The following FAM3B variants were observed in gnomAD, a reference collection of about 807,000 sequenced individuals.
FAM3B encodes protein FAM3B.
FAM3B carries 29 observed loss-of-function variants against 28.4 expected under a neutral mutation model. The ratio of observed to expected loss-of-function variants is 1.02; its 90% CI spans 0.76 to 1.39. FAM3B has a LOEUF of 1.39. Among genes scored for constraint, FAM3B ranks in the 40% most tolerant of loss-of-function variants. The pLI, the probability that FAM3B is intolerant of heterozygous loss-of-function variation, is 0.00. For synonymous variants in FAM3B, 91 were observed against 103.0 expected (o/e 0.88, Z 0.71); for missense variants, 266 against 293.9 (o/e 0.91, Z 0.69).
At position 41,321,344 on chromosome 21, in the gene FAM3B, C is replaced by T. The variant is rs1403210820; in HGVS notation, c.20-1579C>T. On this transcript the variant is annotated intron_variant, in intron 1 of 7. Coordinates refer to ENST00000357985, the MANE Select transcript of FAM3B (RefSeq NM_058186.4). The stretch of plus-strand genomic sequence containing the variant: ...GCTGGGCTGTGTAGGGGAGAGCACC[C>T]TCTAGGCAGAGATCACTCCTGCAGA... Among the ~76,000 whole-genome samples the T allele has an allele frequency of 2.0e-5, 3 of 152,208 alleles. No homozygotes were observed. The East Asian group carries it at 5.8e-4, about 29-fold the overall frequency.
At chr21:41,341,279 C>CT (rs1220575960) in intron 3 of FAM3B, among the ~76,000 whole-genome samples, 3 of 152,190 alleles carry the variant, frequency 2.0e-5, no homozygotes, top group Non-Finnish European at 4.4e-5. Flanking sequence ...TGTTTGATAT[C>CT]TTTTGGTATT....
intron 3 of FAM3B, among the ~76,000 whole-genome samples, chr21:41,342,069 C>T (rs1329974858): frequency 1.3e-5 from 2 of 152,176 alleles, no homozygotes; most frequent in Non-Finnish European, 2.9e-5. Flanking sequence ...TTCCAGTTTA[C>T]GTTTCTCTGA....
chr21:41,308,252 C>T (rs1447700956), intron 1 of FAM3B, among the ~76,000 whole-genome samples: 5 of 152,206 alleles, frequency 3.3e-5, no homozygotes, highest in Non-Finnish European at 7.3e-5. Flanking sequence ...TCTCCATTTT[C>T]TCACTTAATC....
intron 6 of FAM3B, among the ~76,000 whole-genome samples, chr21:41,348,124 C>A (rs1347988413): frequency 6.6e-6 from 1 of 152,204 alleles, no homozygotes; most frequent in Non-Finnish European, 1.5e-5. Flanking sequence ...TTAATGTTTG[C>A]AGTGGCAGTA....
chr21:41,346,023 A>T (rs561174464), intron 5 of FAM3B: 3,314 of 100,634 alleles, frequency 0.033, 14 homozygotes, highest in South Asian at 0.13. Context: ...CCTTTTTTTT[A>T]AAAAAAAAAA....
chr21:41,330,108 C>T (rs903473969), intron 2 of FAM3B, among the ~76,000 whole-genome samples: 1 of 147,072 alleles, frequency 6.8e-6, no homozygotes, highest in African/African-American at 2.5e-5. Context: ...TGTAAACTAA[C>T]CTTTATCATA....
Position 41,330,334 on chromosome 21 carries a change from C to T in FAM3B, c.163+7268C>T, listed in dbSNP as rs147489236. On this transcript the variant is annotated intron_variant, in intron 2 of 7. Transcript: ENST00000357985. ...ATAATGCAAACATTCCAAGATCCAA[C>T]AAAAATTTGTAACACTGCTGGTCCC... Among the ~76,000 whole-genome samples the T allele has an allele frequency of 1.8e-3, 274 of 152,274 alleles. 1 individual carries two copies. The highest frequency in any genetic ancestry group is 6.1e-3 in the African/African-American group (252 of 41,550).
intron 2 of FAM3B, among the ~76,000 whole-genome samples, chr21:41,331,223 G>A (rs1416926707): frequency 6.6e-6 from 1 of 152,048 alleles, no homozygotes; most frequent in Non-Finnish European, 1.5e-5. Flanking sequence ...TTAGTTATTT[G>A]TATGTCTTCT....
intron 2 of FAM3B, among the ~76,000 whole-genome samples, chr21:41,324,262 A>T (rs987480757): frequency 6.6e-6 from 1 of 152,252 alleles, no homozygotes; most frequent in African/African-American, 2.4e-5. Flanking sequence ...CAAGTATTTC[A>T]AAATCAAGAG....
intron 2 of FAM3B, among the ~76,000 whole-genome samples, chr21:41,337,559 A>G (rs2088965992): frequency 1.3e-5 from 2 of 152,150 alleles, no homozygotes; most frequent in African/African-American, 4.8e-5. Context: ...AGTTCCTCAC[A>G]CTCAAGTGAA....
At chr21:41,334,105 A>C (rs913908835) in intron 2 of FAM3B, among the ~76,000 whole-genome samples, 5 of 152,208 alleles carry the variant, frequency 3.3e-5, no homozygotes, top group Non-Finnish European at 7.3e-5. Flanking sequence ...CTGCGCTTAT[A>C]AGTGTGAGCA....
chr21:41,314,772 A>G (rs1170807637), upstream of FAM3B, among the ~76,000 whole-genome samples: 7 of 152,138 alleles, frequency 4.6e-5, no homozygotes, highest in East Asian at 9.7e-4. Flanking sequence ...TAAAAAAAAA[A>G]AAAGAGAGAG....
At chr21:41,336,645 C>T (rs1332229661) in intron 2 of FAM3B, among the ~76,000 whole-genome samples, 2 of 152,184 alleles carry the variant, frequency 1.3e-5, no homozygotes, top group African/African-American at 4.8e-5. Context: ...TTTTCTGCCT[C>T]GCTTACCTGT....
In FAM3B at chr21:41,316,874, T is replaced by G; in HGVS notation, c.-6T>G. 7.1e-7 allele frequency: 1 copy of G among 1,414,324 alleles called. No homozygotes were observed. 87.6% of individuals were successfully genotyped at this position (1,414,324 alleles called of 1,614,324 possible). A position where few individuals can be genotyped will look rare whatever the true frequency, so the allele number is the denominator to read the frequency against. On this transcript the variant is annotated 5_prime_UTR_variant, in exon 1 of 8. Coordinates refer to ENST00000357985, the MANE Select transcript of FAM3B (RefSeq NM_058186.4). ...CCAGGGCCAGGAGGGGAGCGGCACC[T>G]GGAAGATGCGCCCATTGGCTGGTGG...
intron 7 of FAM3B, among the ~76,000 whole-genome samples, chr21:41,354,834 A>C (rs2089152070): frequency 6.7e-6 from 1 of 150,150 alleles, no homozygotes; most frequent in Non-Finnish European, 1.5e-5. Flanking sequence ...GTGTACCCCG[A>C]ACTTAAAAGT....
intron 1 of FAM3B, among the ~76,000 whole-genome samples, chr21:41,307,078 A>G (rs2088686546): frequency 6.6e-6 from 1 of 152,344 alleles, no homozygotes; most frequent in East Asian, 1.9e-4. Flanking sequence ...ACCTTCCAAT[A>G]TAAGGCTGTT....
At chr21:41,353,404 A>G (rs1171973298) in intron 7 of FAM3B, among the ~76,000 whole-genome samples, 1 of 152,250 alleles carries the variant, frequency 6.6e-6, no homozygotes, top group African/African-American at 2.4e-5. Context: ...ATTTCAAAAC[A>G]TAACACAAAG....
intron 4 of FAM3B, among the ~76,000 whole-genome samples, chr21:41,344,811 G>C (rs2089041513): frequency 6.6e-6 from 1 of 152,168 alleles, no homozygotes; most frequent in African/African-American, 2.4e-5. Flanking sequence ...CACCAGAAGG[G>C]CCGCCAAGGG....
rs1291001649 is a variant in FAM3B at position 41,357,691 on chromosome 21, C to T, written c.*494C>T. On this transcript the variant is annotated 3_prime_UTR_variant, in exon 8 of 8. Transcript: ENST00000357985. The stretch of plus-strand genomic sequence containing the variant: ...TGAGCTCTTGAACTCCTCCTGTGGG[C>T]CTGTGAATGTATTCATTCATTCCAC... Among the ~76,000 whole-genome samples the T allele has an allele frequency of 6.6e-6, 1 of 152,206 alleles. No homozygotes were observed. Among genetic ancestry groups the T allele is most frequent in the Non-Finnish European group, 1.5e-5 (1 of 68,040 alleles).
Sources: allele counts gnomAD v4.1 joint callset (sites outside exome capture counted in the v4.1 genomes callset), GRCh38; gene constraint gnomAD v4.1.1; transcripts MANE v1.5; gene names NCBI Gene and HGNC (gene_info 2026-07-23, HGNC 2026-07-21).